The following KMT2C variants were observed in gnomAD, a reference collection of about 807,000 sequenced individuals.
The protein encoded by KMT2C is lysine methyltransferase 2C.
A neutral mutation model predicts 507.9 loss-of-function variants in KMT2C; 88 were observed. That is an observed-to-expected ratio of 0.17 (90% CI 0.15 to 0.21). KMT2C has a LOEUF of 0.21. KMT2C is among the 10% of genes least tolerant of loss of function. The pLI, the probability that KMT2C is intolerant of heterozygous loss-of-function variation, is 1.00. For missense variants in KMT2C, 4,954 were observed against 5,957.8 expected (o/e 0.83, Z 5.55); for synonymous variants, 2,049 against 2,080.8 (o/e 0.98, Z 0.42).
intron 1 of KMT2C, among the ~76,000 whole-genome samples, chr7:152,375,287 C>A (rs1367437820): frequency 6.6e-6 from 1 of 151,686 alleles, no homozygotes; most frequent in Non-Finnish European, 1.5e-5. Flanking sequence ...GGTGATCTGC[C>A]CACCTCGGCC....
Position 152,199,407 on chromosome 7 carries a change from C to T in KMT2C, c.4145G>A (p.Ser1382Asn), listed in dbSNP as rs2129133118. Residue 1382 changes from serine (S) to asparagine (N), a missense_variant, in exon 27 of 59, where the codon AGT becomes AAT. Physicochemically the swap from Ser to Asn is conservative, Grantham distance 46. This residue lies in a region of KMT2C where 140 missense variants were observed against 118.4 expected (regional missense o/e 1.18). Coordinates refer to ENST00000262189, the MANE Select transcript of KMT2C (RefSeq NM_170606.3). Reference protein sequence around the residue: ...LLDTSRQSKISLDNLSEDGAQ... With the variant: ...LLDTSRQSKINLDNLSEDGAQ... ...TCCATCTTCTGACAGATTATCTAAA[C>T]TTATCTTGCTTTGTCTACTTGTATC... 1.9e-6 allele frequency: 3 copies of T among 1,593,938 alleles called. No individual in the cohort carries two copies. Among genetic ancestry groups the T allele is most frequent in the African/African-American group, 1.4e-5 (1 of 73,616 alleles).
At position 152,182,398 on chromosome 7, in the gene KMT2C, G is replaced by T. The variant is rs1281351763; in HGVS notation, c.5462C>A (p.Pro1821His). Residue 1821 changes from proline to histidine, a missense_variant, in exon 36 of 59, where the codon CCT becomes CAT. Physicochemically the swap from Pro to His is moderately conservative, Grantham distance 77. This residue lies in a region of KMT2C where 1,689 missense variants were observed against 1,654.3 expected (regional missense o/e 1.02). Transcript: ENST00000262189. ...TPQPGNGNMSPAQSFHKELFT... is the reference protein window; with the variant it reads ...TPQPGNGNMSHAQSFHKELFT... ...CAGTTCTTTATGGAATGACTGTGCA[G>T]GAGACATATTTCCATTGCCAGGCTG... 6.2e-7 allele frequency: 1 copy of T among 1,613,470 alleles called. No homozygotes were observed. The highest frequency in any genetic ancestry group is 8.5e-7 in the Non-Finnish European group (1 of 1,179,698).
intron 56 of KMT2C, 50 bp downstream of exon 56, chr7:152,139,625 G>A (rs1027146020): frequency 8.1e-7 from 1 of 1,240,256 alleles, no homozygotes; most frequent in Non-Finnish European, 1.2e-6. Flanking sequence ...CACGGAGAAA[G>A]GGAGAGGATG....
At position 152,138,718 on chromosome 7, in the gene KMT2C, G is replaced by T; in HGVS notation, c.14643+78C>A. The T allele has an allele frequency of 1.1e-6, 1 of 876,236 alleles. No homozygotes were observed. The highest frequency in any genetic ancestry group is 1.8e-6 in the Non-Finnish European group (1 of 550,138). 54.3% of individuals were successfully genotyped at this position (876,236 alleles called of 1,614,324 possible). On this transcript the variant is annotated intron_variant, in intron 58 of 58. Transcript: ENST00000262189. This position sits in a 1 kb window ranked among gnomAD's most constrained non-coding sequence, Gnocchi z 4.2. ...CAACAAAGAATTGGGAAACAAGTGA[G>T]TAAGTGACCTGTGTGAGGAGGGAAC...
At chr7:152,345,931 G>T (rs956015440) in intron 2 of KMT2C, among the ~76,000 whole-genome samples, 9 of 152,184 alleles carry the variant, frequency 5.9e-5, no homozygotes, top group Non-Finnish European at 1.2e-4. Context: ...GATGGAGAAA[G>T]ATATTCCAGG....
At chr7:152,369,265 G>A (rs1443789001) in intron 1 of KMT2C, among the ~76,000 whole-genome samples, 1 of 151,964 alleles carries the variant, frequency 6.6e-6, no homozygotes, top group Non-Finnish European at 1.5e-5. Flanking sequence ...AGAGACTGCA[G>A]TGAACCAAGA....
rs1430636340 is a variant in KMT2C at position 152,334,295 on chromosome 7, A to G, written c.251-3556T>C. Among the ~76,000 whole-genome samples, 3 of 152,114 alleles carry G rather than the reference A, an allele frequency of 2.0e-5. No individual in the cohort carries two copies. In the East Asian group the frequency reaches 5.8e-4, roughly 29 times the overall value. On this transcript the variant is annotated intron_variant, in intron 2 of 58. Coordinates refer to ENST00000262189, the MANE Select transcript of KMT2C (RefSeq NM_170606.3). The stretch of plus-strand genomic sequence containing the variant: ...TGGAGAAACCCCATCTCTACTAAAA[A>G]TACAGAATTAGCCGGGCGAGGTGGT...
At chr7:152,185,928 G>A (rs2093612940) in intron 33 of KMT2C, among the ~76,000 whole-genome samples, 1 of 152,166 alleles carries the variant, frequency 6.6e-6, no homozygotes, top group Non-Finnish European at 1.5e-5. Flanking sequence ...ATTCCCTCTG[G>A]TGGTAAGACA....
At chr7:152,182,659 G>T in intron 35 of KMT2C, 65 bp from the exon 36 acceptor site, 1 of 1,382,500 alleles carries the variant, frequency 7.2e-7, no homozygotes, top group East Asian at 2.3e-5. Context: ...CATCATGGGG[G>T]GAAAAAGCAA....
intron 2 of KMT2C, among the ~76,000 whole-genome samples, chr7:152,339,416 T>A (rs2129218368): frequency 6.6e-6 from 1 of 152,308 alleles, no homozygotes; most frequent in East Asian, 1.9e-4. Context: ...TCCCAAAATA[T>A]CATTCACCCT....
At chr7:152,313,930 A>G (rs996475266) in intron 4 of KMT2C, among the ~76,000 whole-genome samples, 56 of 152,114 alleles carry the variant, frequency 3.7e-4, no homozygotes, top group Admixed American at 1.4e-3. Flanking sequence ...ATTTTATATA[A>G]TTGCCATTAT....
chr7:152,426,132 A>C (rs1222300866), intron 1 of KMT2C, among the ~76,000 whole-genome samples: 1 of 151,772 alleles, frequency 6.6e-6, no homozygotes, highest in Non-Finnish European at 1.5e-5. Context: ...CTTTTTAAAA[A>C]TCTTTCTTCT....
At position 152,163,073 on chromosome 7, in the gene KMT2C, T is replaced by C. The variant is rs962249046; in HGVS notation, c.10504A>G (p.Met3502Val). The change falls in exon 43 of 59, where the codon ATG becomes GTG. Residue 3502 changes from methionine to valine, a missense_variant. By Grantham distance (21) the Met-to-Val change is conservative. This residue lies in a region of KMT2C where 801 missense variants were observed against 751.2 expected (regional missense o/e 1.07). Transcript: ENST00000262189. ...ACCTGCCTTCGCTCATTAGTCTGCATGAAAGTTTGGGTGGAGGGTGAATTA... is the reference window on the plus strand; with the variant it reads ...ACCTGCCTTCGCTCATTAGTCTGCACGAAAGTTTGGGTGGAGGGTGAATTA... ...SINSPSTQTF[M>V]QTNERRQVGP... The C allele has an allele frequency of 6.2e-7, 1 of 1,614,222 alleles. No individual in the cohort carries two copies. The highest frequency in any genetic ancestry group is 1.3e-5 in the African/African-American group (1 of 75,052).
chr7:152,397,314 C>CA (rs2097543496), intron 1 of KMT2C, among the ~76,000 whole-genome samples: 1 of 152,040 alleles, frequency 6.6e-6, no homozygotes, highest in Admixed American at 6.6e-5. Context: ...TCTCCTGCCT[C>CA]AGCCTCCTGA....
chr7:152,341,885 C>T (rs1589304318), intron 2 of KMT2C, among the ~76,000 whole-genome samples: 1 of 152,208 alleles, frequency 6.6e-6, no homozygotes, highest in East Asian at 1.9e-4. Flanking sequence ...AATGTACAAA[C>T]AATAATTTGG....
intron 9 of KMT2C, among the ~76,000 whole-genome samples, chr7:152,262,446 C>T (rs1435629536): frequency 6.6e-6 from 1 of 152,182 alleles, no homozygotes; most frequent in East Asian, 1.9e-4. Flanking sequence ...GCCCCCAACC[C>T]GGCTCTGAAC....
At chr7:152,377,893 T>C (rs2097341837) in intron 1 of KMT2C, among the ~76,000 whole-genome samples, 1 of 152,210 alleles carries the variant, frequency 6.6e-6, no homozygotes, top group South Asian at 2.1e-4. Flanking sequence ...TGGAAGAAGT[T>C]GATTCCAACT....
At chr7:152,301,071 A>C (rs1403924678) in intron 6 of KMT2C, among the ~76,000 whole-genome samples, 1 of 150,980 alleles carries the variant, frequency 6.6e-6, no homozygotes, top group African/African-American at 2.4e-5. Flanking sequence ...AAAAGAAAAA[A>C]ACTATAAAGG....
At chr7:152,433,887 G>A (rs113978329) in intron 1 of KMT2C, among the ~76,000 whole-genome samples, 1 of 152,292 alleles carries the variant, frequency 6.6e-6, no homozygotes, top group Non-Finnish European at 1.5e-5. Flanking sequence ...GCACAAGCAC[G>A]CCCTTACAGG....
Sources: gnomAD v4.1 joint callset for allele counts (sites outside exome capture counted in the v4.1 genomes callset) on GRCh38, gnomAD v4.1.1 for gene constraint, gnomAD v4.1.1 regional missense constraint, Gnocchi (gnomAD v3.1) non-coding constraint, MANE v1.5 for transcripts, NCBI Gene and HGNC (gene_info 2026-07-23, HGNC 2026-07-21) for gene names.